The following ZFAND4 variants were observed in gnomAD, a reference collection of about 807,000 sequenced individuals.
ZFAND4 encodes the protein AN1-type zinc finger protein 4.
A neutral mutation model predicts 64.4 loss-of-function variants in ZFAND4; 43 were observed. That is an observed-to-expected ratio of 0.67 (90% CI 0.52 to 0.86). ZFAND4 has a LOEUF of 0.86. Among genes scored for constraint, ZFAND4 ranks in the 40% least tolerant of loss-of-function variants. The probability of loss-of-function intolerance (pLI) is 0.00; values close to 1 mark genes in which losing one functional copy is unlikely to be tolerated. For synonymous variants in ZFAND4, 296 were observed against 305.7 expected, an observed-to-expected ratio of 0.97 and a Z score of 0.33; for missense variants, 929 against 859.8, an observed-to-expected ratio of 1.08 and a Z score of -1.01.
intron 1 of ZFAND4, among the ~76,000 whole-genome samples, chr10:45,666,966 A>G (rs2048866405): frequency 1.3e-5 from 2 of 152,170 alleles, no homozygotes; most frequent in Non-Finnish European, 2.9e-5. Context: ...ATTGTTGGCT[A>G]TTCTGGACTC....
intron 3 of ZFAND4, among the ~76,000 whole-genome samples, 194 bp from the exon 4 acceptor site, chr10:45,652,227 T>C (rs2047806081): frequency 6.6e-6 from 1 of 152,124 alleles, no homozygotes; most frequent in Admixed American, 6.5e-5. Flanking sequence ...CAAATTCTCA[T>C]AAGCCATAAA....
rs145130258 is a variant in ZFAND4 at position 45,664,518 on chromosome 10, C to T, written c.-117-676G>A. On this transcript the variant is annotated intron_variant, in intron 1 of 9. Transcript: ENST00000344646. ...TCTTCACCTTGTGATCCACCCGCCTCGGCCTCCCAAAGTGCTGGGATTACA... is the reference window on the plus strand; with the variant it reads ...TCTTCACCTTGTGATCCACCCGCCTTGGCCTCCCAAAGTGCTGGGATTACA... Among the ~76,000 whole-genome samples the T allele has an allele frequency of 4.6e-3, 696 of 151,998 alleles. 5 individuals are homozygous for T. The highest frequency in any genetic ancestry group is 0.016 in the African/African-American group (658 of 41,502).
At chr10:45,670,796 C>T (rs2049132802) in intron 1 of ZFAND4, among the ~76,000 whole-genome samples, 1 of 152,116 alleles carries the variant, frequency 6.6e-6, no homozygotes, top group South Asian at 2.1e-4. Flanking sequence ...GACTAAAACA[C>T]CAAAAGCAAT....
At chr10:45,665,432 T>G (rs974919718) in intron 1 of ZFAND4, among the ~76,000 whole-genome samples, 1 of 151,946 alleles carries the variant, frequency 6.6e-6, no homozygotes, top group African/African-American at 2.4e-5. Context: ...TCCCAGCTAC[T>G]CGGGAGGCTG....
intron 8 of ZFAND4, among the ~76,000 whole-genome samples, chr10:45,618,728 T>C (rs2045191538): frequency 6.6e-6 from 1 of 152,222 alleles, no homozygotes; most frequent in Non-Finnish European, 1.5e-5. Flanking sequence ...CATCAAACCA[T>C]GAGCAAGTCA....
Position 45,648,560 on chromosome 10 carries a change from C to A in ZFAND4, c.329-26G>T, listed in dbSNP as rs778904070. 7.0e-6 allele frequency: 11 copies of A among 1,574,818 alleles called. No homozygotes were observed. The African/African-American group carries it at 1.5e-4, about 21-fold the overall frequency. ...CTACAAATGGAAAATTGAAATAAGT[C>A]TTCAATTTGGATCAAGTTTTATGCA... is the stretch of plus-strand genomic sequence containing the variant. On this transcript the variant is annotated intron_variant, in intron 4 of 9. Coordinates refer to ENST00000344646, the MANE Select transcript of ZFAND4 (RefSeq NM_174890.4).
At chr10:45,670,663 AC>A (rs2049122814) in intron 1 of ZFAND4, among the ~76,000 whole-genome samples, 2 of 152,284 alleles carry the variant, frequency 1.3e-5, no homozygotes, top group Non-Finnish European at 2.9e-5. Flanking sequence ...CCTTCCTTAC[AC>A]CTTATACAAA....
At chr10:45,654,045 T>C (rs912555144) in intron 2 of ZFAND4, among the ~76,000 whole-genome samples, 3 of 152,148 alleles carry the variant, frequency 2.0e-5, no homozygotes, top group African/African-American at 4.8e-5. Flanking sequence ...GAGGCCATCA[T>C]CCTAAGAGAA....
chr10:45,652,624 C>T (rs1310495743), intron 3 of ZFAND4, among the ~76,000 whole-genome samples: 2 of 152,092 alleles, frequency 1.3e-5, no homozygotes, highest in East Asian at 1.9e-4. Context: ...GAACAATTCT[C>T]TCTTATCCAA....
In ZFAND4 at chr10:45,616,000, AAGG is replaced by A. The variant is rs1317805780; in HGVS notation, c.*433_*435del. The A allele has an allele frequency of 2.0e-5, 3 of 152,842 alleles. No individual in the cohort carries two copies. The highest frequency in any genetic ancestry group is 7.2e-5 in the African/African-American group (3 of 41,464). The allele number at this position is 152,842 out of a possible 1,614,324, so 9.5% of individuals were successfully genotyped here. A position where few individuals can be genotyped will look rare whatever the true frequency, so the allele number is the denominator to read the frequency against. ...CCCATCCCACCTCTGAAAAAAAAAG[AAGG>A]AGAAGAATAAAAGAAAGAAAAAGAA... is the stretch of plus-strand genomic sequence containing the variant. On this transcript the variant is annotated 3_prime_UTR_variant, in exon 10 of 10. Transcript: ENST00000344646.
chr10:45,636,316 T>G (rs1441065756), intron 6 of ZFAND4, among the ~76,000 whole-genome samples: 6 of 152,178 alleles, frequency 3.9e-5, no homozygotes, highest in African/African-American at 1.4e-4. Context: ...AGAGCATTTT[T>G]GTATTATTTG....
chr10:45,656,978 C>T (rs539915708), intron 2 of ZFAND4, among the ~76,000 whole-genome samples: 35 of 151,776 alleles, frequency 2.3e-4, no homozygotes, highest in Non-Finnish European at 4.3e-4. Context: ...TTGTTTAAGA[C>T]ATCCAATCTA....
At chr10:45,633,650 T>TCA (rs200685163) in intron 6 of ZFAND4, among the ~76,000 whole-genome samples, 3 of 151,972 alleles carry the variant, frequency 2.0e-5, no homozygotes, top group African/African-American at 7.2e-5. Flanking sequence ...CAAATTTTCT[T>TCA]TAAAAAAAAA....
chr10:45,665,470 G>T (rs1483884625), intron 1 of ZFAND4, among the ~76,000 whole-genome samples: 1 of 152,128 alleles, frequency 6.6e-6, no homozygotes, highest in African/African-American at 2.4e-5. Flanking sequence ...GAGTCCAGGA[G>T]GCAGAGGTTG....
intron 5 of ZFAND4, among the ~76,000 whole-genome samples, chr10:45,642,345 C>T (rs58820822): frequency 0.021 from 3,173 of 152,154 alleles, 118 homozygotes; most frequent in African/African-American, 0.072. Flanking sequence ...TGATGGCTCA[C>T]GCCTGTAATC....
intron 2 of ZFAND4, among the ~76,000 whole-genome samples, chr10:45,660,160 C>CAAAAAAA (rs59673620): frequency 4.3e-5 from 4 of 92,538 alleles, no homozygotes; most frequent in Non-Finnish European, 6.5e-5. Flanking sequence ...AGACGCATCT[C>CAAAAAAA]AAAAAAAAAA....
intron 6 of ZFAND4, among the ~76,000 whole-genome samples, chr10:45,630,172 CAATGAAACA>C (rs2046106801): frequency 6.6e-6 from 1 of 152,002 alleles, no homozygotes; most frequent in African/African-American, 2.4e-5. Flanking sequence ...CTCCCTAAAA[CAATGAAACA>C]AAAGAAAACT....
At chr10:45,624,738 G>T in intron 7 of ZFAND4, 101 bp from the exon 8 acceptor site, 1 of 964,880 alleles carries the variant, frequency 1.0e-6, no homozygotes, top group Non-Finnish European at 1.6e-6. Context: ...GATGCTGTTG[G>T]ACTTTCATTT....
chr10:45,620,892 C>A (rs530833900), intron 8 of ZFAND4: 2 of 152,200 alleles, frequency 1.3e-5, no homozygotes, highest in African/African-American at 4.8e-5. Flanking sequence ...ATTATCAACT[C>A]CTCTCTGAAG....
Sources: allele counts gnomAD v4.1 joint callset (sites outside exome capture counted in the v4.1 genomes callset), GRCh38; gene constraint gnomAD v4.1.1; transcripts MANE v1.5; gene names NCBI Gene and HGNC (gene_info 2026-07-23, HGNC 2026-07-21).